The following CYP2W1 variants were observed in gnomAD, a reference collection of about 807,000 sequenced individuals.
CYP2W1 encodes cytochrome P450 2W1.
A neutral mutation model predicts 44.9 loss-of-function variants in CYP2W1; 51 were observed. The observed-to-expected ratio is 1.14, with a 90% CI of 0.91 to 1.43. The LOEUF (loss-of-function observed/expected upper bound fraction) is 1.43, where lower values mean the gene tolerates loss of function less well. Among genes scored for constraint, CYP2W1 ranks in the 40% most tolerant of loss-of-function variants. CYP2W1 has a pLI of 0.00. For missense variants in CYP2W1, 746 were observed against 700.0 expected, an observed-to-expected ratio of 1.07 and a Z score of -0.74; for synonymous variants, 383 against 338.3, an observed-to-expected ratio of 1.13 and a Z score of -1.45.
chr7:985,264 G>A lies in CYP2W1; in HGVS notation c.586G>A (p.Val196Met). 6.4e-7 allele frequency: 1 copy of A among 1,551,912 alleles called. No individual in the cohort carries two copies. The highest frequency in any genetic ancestry group is 1.2e-5 in the South Asian group (1 of 84,206). ...ATTTGACTACCGGGACCCCGTGTTTGTGTCCCTGCTGGGTCTCATCGATGA... is the reference window on the plus strand; with the variant it reads ...ATTTGACTACCGGGACCCCGTGTTTATGTCCCTGCTGGGTCTCATCGATGA... ...RRFDYRDPVF[V>M]SLLGLIDEVM... The change falls in exon 4 of 9, where the codon GTG (valine) becomes ATG (methionine). Residue 196 changes from valine to methionine, a missense_variant. By Grantham distance (21) the Val-to-Met change is conservative (BLOSUM62 1). Transcript: ENST00000308919.
At chr7:987,021 A>G in intron 5 of CYP2W1, 86 bp from the exon 6 acceptor site, 1 of 1,414,348 alleles carries the variant, frequency 7.1e-7, no homozygotes, top group Non-Finnish European at 9.2e-7. Context: ...CGGGGCATCC[A>G]TAGTGGAGCC....
At position 988,704 on chromosome 7, in the gene CYP2W1, A is replaced by G. The variant is rs1370213381; in HGVS notation, c.1355A>G (p.Gln452Arg). ...ELFLLFAGLL[Q>R]RYRLLPPPGV... Reference sequence around the variant, plus strand: ...TTCCTGCTGTTTGCCGGCCTCCTGCAGAGGTACCGCCTGCTGCCCCCGCCT... The same window carrying G: ...TTCCTGCTGTTTGCCGGCCTCCTGCGGAGGTACCGCCTGCTGCCCCCGCCT... Residue 452 changes from glutamine (Q) to arginine (R), a missense_variant, in exon 9 of 9, where the codon CAG becomes CGG. Gln to Arg is a conservative substitution (Grantham distance 43). Coordinates refer to ENST00000308919, the MANE Select transcript of CYP2W1 (RefSeq NM_017781.3). 9 of 1,599,676 alleles carry G rather than the reference A, an allele frequency of 5.6e-6. No homozygotes were observed. The highest frequency in any genetic ancestry group is 7.6e-6 in the Non-Finnish European group (9 of 1,179,630).
chr7:987,149 G>A lies in CYP2W1; in HGVS notation c.862G>A (p.Ala288Thr). 1 of 1,578,872 alleles carries A rather than the reference G, an allele frequency of 6.3e-7. No homozygotes were observed. Among genetic ancestry groups the A allele is most frequent in the East Asian group, 2.3e-5 (1 of 42,716 alleles). Residue 288 changes from alanine (A) to threonine (T), a missense_variant, in exon 6 of 9, where the codon GCC (alanine) becomes ACC (threonine). Physicochemically the swap from Ala to Thr is moderately conservative, Grantham distance 58. Coordinates refer to ENST00000308919, the MANE Select transcript of CYP2W1 (RefSeq NM_017781.3). Reference protein sequence around the residue: ...EGLFAEANAVACTLDMVMAGT... With the variant: ...EGLFAEANAVTCTLDMVMAGT... Reference sequence around the variant, plus strand: ...CCTGTTTGCTGAGGCCAACGCGGTGGCCTGCACCCTGGACATGGTCATGGC... The same window carrying A: ...CCTGTTTGCTGAGGCCAACGCGGTGACCTGCACCCTGGACATGGTCATGGC...
Position 988,630 on chromosome 7 carries a change from C to G in CYP2W1, c.1286-5C>G, listed in dbSNP as rs185959965. Reference sequence around the variant, plus strand: ...GCCCACTCTGTGCCTGGACATCCCCCGCAGGCCGCCGCGTCTGTGTTGGGG... The same window carrying G: ...GCCCACTCTGTGCCTGGACATCCCCGGCAGGCCGCCGCGTCTGTGTTGGGG... On this transcript the variant is annotated splice_polypyrimidine_tract_variant and splice_region_variant and intron_variant, in intron 8 of 8. Coordinates refer to ENST00000308919, the MANE Select transcript of CYP2W1 (RefSeq NM_017781.3). 5 of 1,602,862 alleles carry G rather than the reference C, an allele frequency of 3.1e-6. No individual in the cohort carries two copies. The highest frequency in any genetic ancestry group is 1.3e-5 in the African/African-American group (1 of 74,842).
intron 2 of CYP2W1, 121 bp downstream of exon 2, chr7:984,695 G>A: frequency 2.2e-6 from 3 of 1,392,980 alleles, no homozygotes; most frequent in Admixed American, 2.6e-5. Flanking sequence ...GCAGGCAGGA[G>A]CTGGGCCTCC....
chr7:983,479 G>C (rs1848078923), intron 1 of CYP2W1, 94 bp downstream of exon 1: 1 of 1,248,460 alleles, frequency 8.0e-7, no homozygotes, highest in African/African-American at 1.6e-5. Flanking sequence ...TCCACTGCCT[G>C]TTCCCACATG....
intron 1 of CYP2W1, among the ~76,000 whole-genome samples, chr7:983,632 A>G (rs79762569): frequency 0.034 from 5,183 of 152,266 alleles, 127 homozygotes; most frequent in African/African-American, 0.058. Context: ...GCGCGGGAGC[A>G]GGAGTCTGGA....
chr7:984,317 T>C (rs1385059226), intron 1 of CYP2W1, 95 bp from the exon 2 acceptor site: 4 of 1,467,354 alleles, frequency 2.7e-6, no homozygotes, highest in East Asian at 2.5e-5. Flanking sequence ...TTTCCCTCTG[T>C]CCCCACCCCT....
rs750243132 is a variant in CYP2W1, at chr7:984,975, C to T, written c.363C>T (p.Arg121=). Reference sequence around the variant, plus strand: ...GCATCTTCTTCTCATCTGGGGCGCGCTGGAGGGCTGCCCGCCAGTTCACGG... The same window carrying T: ...GCATCTTCTTCTCATCTGGGGCGCGTTGGAGGGCTGCCCGCCAGTTCACGG... ...GGGIFFSSGA[R]WRAARQFTVR... is the part of the protein sequence containing the mutation. Residue 121 remains arginine, a synonymous_variant, in exon 3 of 9, where the codon CGC becomes CGT. Coordinates refer to ENST00000308919, the MANE Select transcript of CYP2W1 (RefSeq NM_017781.3). 1.2e-5 allele frequency: 20 copies of T among 1,607,110 alleles called. No homozygotes were observed. Among genetic ancestry groups the T allele is most frequent in the Admixed American group, 1.7e-5 (1 of 59,902 alleles).
chr7:983,748 C>T (rs917669847), intron 1 of CYP2W1, among the ~76,000 whole-genome samples: 1 of 152,232 alleles, frequency 6.6e-6, no homozygotes, highest in Non-Finnish European at 1.5e-5. Flanking sequence ...GCTCAGCCCC[C>T]CTCGGCCCTC....
In CYP2W1 at chr7:984,269, T is replaced by A. The variant is rs1203577117; in HGVS notation, c.175-143T>A. On this transcript the variant is annotated intron_variant, in intron 1 of 8. Coordinates refer to ENST00000308919, the MANE Select transcript of CYP2W1 (RefSeq NM_017781.3). The stretch of plus-strand genomic sequence containing the variant: ...CCCCCTCCACCCTGCACCACTGGCT[T>A]TATGGCATCTAGGCGTGCCCCCTCC... 22 of 1,133,842 alleles carry A rather than the reference T, an allele frequency of 1.9e-5. No individual in the cohort carries two copies. In the East Asian group the frequency reaches 4.3e-4, roughly 22 times the overall value. 70.2% of individuals were successfully genotyped at this position (1,133,842 alleles called of 1,614,324 possible).
In CYP2W1 at chr7:989,095, A is replaced by G; in HGVS notation, c.*273A>G. 4.9e-6 allele frequency: 2 copies of G among 409,060 alleles called. No homozygotes were observed. The highest frequency in any genetic ancestry group is 8.6e-6 in the Non-Finnish European group (2 of 233,612). The allele number at this position is 409,060 out of a possible 1,614,324, so 25.3% of individuals were successfully genotyped here. On this transcript the variant is annotated 3_prime_UTR_variant, in exon 9 of 9. Coordinates refer to ENST00000308919, the MANE Select transcript of CYP2W1 (RefSeq NM_017781.3). ...CCTCCAGGGCCCCGCCCACTCTCCC[A>G]CCCCTGAAGCTGCACTCCCACCCAC...
chr7:988,770 C>A lies in CYP2W1; in HGVS notation c.1421C>A (p.Ala474Asp). Residue 474 changes from alanine (A) to aspartate (D), a missense_variant, in exon 9 of 9, where the codon GCT becomes GAT. Transcript: ENST00000308919. Reference protein sequence around the residue: ...PASLDTTPARAFTMRPRAQAL... With the variant: ...PASLDTTPARDFTMRPRAQAL... Reference sequence around the variant, plus strand: ...TCCCTGGACACCACGCCCGCCCGGGCTTTTACCATGAGGCCGAGGGCCCAG... The same window carrying A: ...TCCCTGGACACCACGCCCGCCCGGGATTTTACCATGAGGCCGAGGGCCCAG... 6.3e-7 allele frequency: 1 copy of A among 1,597,964 alleles called. No individual in the cohort carries two copies. Among genetic ancestry groups the A allele is most frequent in the Non-Finnish European group, 8.5e-7 (1 of 1,178,868 alleles).
intron 1 of CYP2W1, 27 bp from the exon 2 acceptor site, chr7:984,385 C>A (rs1386074123): frequency 6.5e-7 from 1 of 1,542,910 alleles, no homozygotes; most frequent in South Asian, 1.2e-5. Flanking sequence ...TGAGGGCTGC[C>A]CGGGTGACCC....
Position 987,286 on chromosome 7 carries a change from C to T in CYP2W1, c.958+41C>T, listed in dbSNP as rs777521268. On this transcript the variant is annotated intron_variant, in intron 6 of 8. Transcript: ENST00000308919. Reference sequence around the variant, plus strand: ...CTGGCGAGACGGCTCCTTCTGCCCCCGGGGGACCCCCAGGGACGAGGGATG... The same window carrying T: ...CTGGCGAGACGGCTCCTTCTGCCCCTGGGGGACCCCCAGGGACGAGGGATG... The T allele has an allele frequency of 1.7e-5, 25 of 1,507,648 alleles. No homozygotes were observed. In the African/African-American group the frequency reaches 1.9e-4, roughly 12 times the overall value. 93.4% of individuals were successfully genotyped at this position (1,507,648 alleles called of 1,614,324 possible). A position where few individuals can be genotyped will look rare whatever the true frequency, so the allele number is the denominator to read the frequency against.
At position 985,282 on chromosome 7, in the gene CYP2W1, A is replaced by G; in HGVS notation, c.604A>G (p.Ile202Val). Residue 202 changes from isoleucine (I) to valine (V), a missense_variant, in exon 4 of 9, where the codon ATC becomes GTC. Coordinates refer to ENST00000308919, the MANE Select transcript of CYP2W1 (RefSeq NM_017781.3). Reference sequence around the variant, plus strand: ...CGTGTTTGTGTCCCTGCTGGGTCTCATCGATGAGGTCATGGTCCTCTTGGG... The same window carrying G: ...CGTGTTTGTGTCCCTGCTGGGTCTCGTCGATGAGGTCATGGTCCTCTTGGG... ...DPVFVSLLGLIDEVMVLLGSP... is the reference protein window; with the variant it reads ...DPVFVSLLGLVDEVMVLLGSP... 1 of 1,551,668 alleles carries G rather than the reference A, an allele frequency of 6.4e-7. No individual in the cohort carries two copies. The highest frequency in any genetic ancestry group is 8.7e-7 in the Non-Finnish European group (1 of 1,147,420).
chr7:986,548 G>A (rs1848360216), intron 4 of CYP2W1, 76 bp from the exon 5 acceptor site: 2 of 1,547,864 alleles, frequency 1.3e-6, no homozygotes, highest in East Asian at 4.5e-5. Context: ...CACAGCCGCT[G>A]GGGACGATCA....
chr7:987,357 G>A lies in CYP2W1; in HGVS notation c.969G>A (p.Gln323=). The A allele has an allele frequency of 6.3e-7, 1 of 1,583,886 alleles. No homozygotes were observed. The change falls in exon 7 of 9, where the codon CAG becomes CAA. Residue 323 remains glutamine, a synonymous_variant. Transcript: ENST00000308919. The stretch of plus-strand genomic sequence containing the variant: ...CACCCTTTGCCCCAGGCCGGGTGCA[G>A]GAGGAGCTAGACCGCGTGCTGGGCC... The part of the protein sequence containing the change: ...GRHPDVQGRV[Q]EELDRVLGPG...
chr7:984,942 G>GAA lies in CYP2W1; in HGVS notation c.338-8_338-7insAA. 6.3e-7 allele frequency: 1 copy of GAA among 1,592,596 alleles called. No individual in the cohort carries two copies. Among genetic ancestry groups the GAA allele is most frequent in the Non-Finnish European group, 8.5e-7 (1 of 1,174,544 alleles). ...CCTGGGCTCACCACGCACTGTATCT[G>GAA]CCTACAGGCATCTTCTTCTCATCTG... On this transcript the variant is annotated splice_region_variant and splice_polypyrimidine_tract_variant and intron_variant, in intron 2 of 8. Transcript: ENST00000308919.
Sources: gnomAD v4.1 joint callset for allele counts (sites outside exome capture counted in the v4.1 genomes callset) on GRCh38, gnomAD v4.1.1 for gene constraint, MANE v1.5 for transcripts, NCBI Gene and HGNC (gene_info 2026-07-23, HGNC 2026-07-21) for gene names.